The following TRIM44 variants were observed in gnomAD, a reference collection of about 807,000 sequenced individuals.
The protein encoded by TRIM44 is tripartite motif containing 44.
TRIM44 carries 13 observed loss-of-function variants against 37.4 expected under a neutral mutation model. That is an observed-to-expected ratio of 0.35 (90% CI 0.23 to 0.55). The LOEUF is 0.55. Among genes scored for constraint, TRIM44 ranks in the 20% least tolerant of loss-of-function variants. TRIM44 has a pLI of 0.89. For synonymous variants in TRIM44, 175 were observed against 157.2 expected, an observed-to-expected ratio of 1.11 and a Z score of -0.85; for missense variants, 426 against 437.2, an observed-to-expected ratio of 0.97 and a Z score of 0.23.
chr11:35,682,079 C>T (rs1851526801), intron 1 of TRIM44, among the ~76,000 whole-genome samples: 2 of 151,416 alleles, frequency 1.3e-5, no homozygotes, highest in South Asian at 4.2e-4. Context: ...CTGCCTCAGC[C>T]TCCCGAGTAG....
At chr11:35,777,570 T>A (rs1473944008) in intron 4 of TRIM44, among the ~76,000 whole-genome samples, 1 of 152,228 alleles carries the variant, frequency 6.6e-6, no homozygotes, top group Non-Finnish European at 1.5e-5. Context: ...CAATTTGGCA[T>A]GTTTTTGCAG....
chr11:35,728,003 T>C (rs980487885), intron 3 of TRIM44, among the ~76,000 whole-genome samples: 9 of 152,226 alleles, frequency 5.9e-5, no homozygotes, highest in Admixed American at 3.3e-4. Context: ...TTATTCCCTA[T>C]GTTGATTAGG....
At position 35,732,786 on chromosome 11, in the gene TRIM44, T is replaced by C. The variant is rs550148556; in HGVS notation, c.988-2640T>C. ...ATGTGCATTTCAGGTAGCAGGAACATCACATGCATATCTTTTACTAGCAAG... is the reference window on the plus strand; with the variant it reads ...ATGTGCATTTCAGGTAGCAGGAACACCACATGCATATCTTTTACTAGCAAG... On this transcript the variant is annotated intron_variant, in intron 3 of 4. Transcript: ENST00000299413. 5.3e-5 allele frequency among the ~76,000 whole-genome samples: 8 copies of C among 152,280 alleles called. No homozygotes were observed. In the East Asian group the frequency reaches 1.3e-3, roughly 26 times the overall value.
intron 4 of TRIM44, among the ~76,000 whole-genome samples, chr11:35,762,639 G>A (rs1432943044): frequency 6.6e-6 from 1 of 152,134 alleles, no homozygotes; most frequent in African/African-American, 2.4e-5. Flanking sequence ...ACAACAGTAA[G>A]ATAATACATA....
chr11:35,754,803 C>T lies in TRIM44; in HGVS notation c.1007+19358C>T, dbSNP rs11033266. Among the ~76,000 whole-genome samples, 2,103 of 152,170 alleles carry T rather than the reference C, an allele frequency of 0.014. 116 individuals carry two copies. The East Asian group carries it at 0.14, about 10-fold the overall frequency. On this transcript the variant is annotated intron_variant, in intron 4 of 4. Coordinates refer to ENST00000299413, the MANE Select transcript of TRIM44 (RefSeq NM_017583.6). ...GTTTGCTGAGAATGATGGTTTCCAG[C>T]TTCATCCATGTCCCTACAAAGGACA...
chr11:35,737,367 A>G (rs1323731804), intron 4 of TRIM44, among the ~76,000 whole-genome samples: 1 of 152,188 alleles, frequency 6.6e-6, no homozygotes, highest in Non-Finnish European at 1.5e-5. Flanking sequence ...GGAATGGAAA[A>G]TGAATTGGAG....
chr11:35,678,616 C>T lies in TRIM44; in HGVS notation c.670-6643C>T, dbSNP rs571567940. On this transcript the variant is annotated intron_variant, in intron 1 of 4. Coordinates refer to ENST00000299413, the MANE Select transcript of TRIM44 (RefSeq NM_017583.6). The stretch of plus-strand genomic sequence containing the variant: ...CCCTCTCCCCTCTCCCCGCTCCCTC[C>T]CCTCCCCATTCTCTTAGACAGTGTC... Among the ~76,000 whole-genome samples the T allele has an allele frequency of 6.0e-4, 91 of 152,056 alleles. 2 individuals are homozygous for T. Among genetic ancestry groups the T allele is most frequent in the African/African-American group, 2.0e-3 (82 of 41,484 alleles).
Position 35,663,165 on chromosome 11 carries a change from T to G in TRIM44, c.54T>G (p.Cys18Trp), listed in dbSNP as rs1851290647. Residue 18 changes from cysteine to tryptophan, a missense_variant, in exon 1 of 5, where the codon TGT becomes TGG. Cys to Trp is a radical substitution (Grantham distance 215). This residue lies in a region of TRIM44 where 331 missense variants were observed against 303.0 expected (regional missense o/e 1.09). Coordinates refer to ENST00000299413, the MANE Select transcript of TRIM44 (RefSeq NM_017583.6). ...AGGAACTGCCTCACGACGGCACGTGTGACGAGTGCGAGCCCGACGAGGCTC... is the reference window on the plus strand; with the variant it reads ...AGGAACTGCCTCACGACGGCACGTGGGACGAGTGCGAGCCCGACGAGGCTC... ...AFEELPHDGT[C>W]DECEPDEAPG... 6.4e-7 allele frequency: 1 copy of G among 1,564,280 alleles called. No individual in the cohort carries two copies.
intron 4 of TRIM44, among the ~76,000 whole-genome samples, chr11:35,761,887 C>A (rs1852734447): frequency 6.6e-6 from 1 of 152,190 alleles, no homozygotes; most frequent in South Asian, 2.1e-4. Flanking sequence ...CTCTTTGAGC[C>A]TTCTGAGAAG....
intron 4 of TRIM44, among the ~76,000 whole-genome samples, chr11:35,782,782 G>C (rs1317932570): frequency 6.6e-6 from 1 of 152,192 alleles, no homozygotes; most frequent in Non-Finnish European, 1.5e-5. Flanking sequence ...GTGTAGGCTA[G>C]ATACACAAAT....
intron 1 of TRIM44, among the ~76,000 whole-genome samples, chr11:35,672,489 C>G (rs1004909524): frequency 1.3e-5 from 2 of 152,164 alleles, no homozygotes; most frequent in Non-Finnish European, 2.9e-5. Flanking sequence ...AAATATATAG[C>G]ATTTGTGGAG....
chr11:35,714,240 G>C (rs1006080841), intron 2 of TRIM44, among the ~76,000 whole-genome samples: 22 of 152,168 alleles, frequency 1.4e-4, no homozygotes, highest in African/African-American at 5.3e-4. Flanking sequence ...CTAATGAGCA[G>C]AATGGTTCTG....
In TRIM44 at chr11:35,672,919, C is replaced by A. The variant is rs151071530; in HGVS notation, c.669+9139C>A. 1.9e-3 allele frequency among the ~76,000 whole-genome samples: 282 copies of A among 152,236 alleles called. 2 individuals carry two copies. The highest frequency in any genetic ancestry group is 6.5e-3 in the African/African-American group (271 of 41,546). On this transcript the variant is annotated intron_variant, in intron 1 of 4. Coordinates refer to ENST00000299413, the MANE Select transcript of TRIM44 (RefSeq NM_017583.6). ...ATTTATTTGTACAGAATAAGACAAA[C>A]GCTAAGACCAAGGTAAAGGGGATGG...
chr11:35,781,756 C>T (rs1853068142), intron 4 of TRIM44, among the ~76,000 whole-genome samples: 1 of 152,058 alleles, frequency 6.6e-6, no homozygotes, highest in Non-Finnish European at 1.5e-5. Flanking sequence ...ATTGAGAGAG[C>T]CAGGAGTAGG....
chr11:35,724,621 T>G (rs1852148091), intron 2 of TRIM44, among the ~76,000 whole-genome samples: 1 of 152,248 alleles, frequency 6.6e-6, no homozygotes, highest in South Asian at 2.1e-4. Context: ...ATTTGGAGTT[T>G]AGAAGTTCTC....
rs1472773704 is a variant in TRIM44 at position 35,663,654 on chromosome 11, C to A, written c.543C>A (p.Asp181Glu). 3.7e-6 allele frequency: 6 copies of A among 1,614,068 alleles called. No homozygotes were observed. Among genetic ancestry groups the A allele is most frequent in the Non-Finnish European group, 5.1e-6 (6 of 1,180,010 alleles). The part of the protein sequence containing the change: ...AERVAKRKCP[D>E]HGLDLSTYCQ... ...GAGTGGCCAAGAGGAAGTGTCCGGA[C>A]CATGGGCTTGATTTGAGTACCTATT... The change falls in exon 1 of 5, where the codon GAC (aspartate) becomes GAA (glutamate). Residue 181 changes from aspartate to glutamate, a missense_variant. Physicochemically the swap from Asp to Glu is conservative, Grantham distance 45. Transcript: ENST00000299413.
intron 4 of TRIM44, among the ~76,000 whole-genome samples, chr11:35,763,335 A>AAGCACAGT (rs1319211560): frequency 6.6e-6 from 1 of 152,110 alleles, no homozygotes; most frequent in Non-Finnish European, 1.5e-5. Flanking sequence ...GGACTTGGAT[A>AAGCACAGT]AGCACAGTAG....
chr11:35,800,955 C>T (rs1411556221), intron 4 of TRIM44, among the ~76,000 whole-genome samples: 6 of 152,168 alleles, frequency 3.9e-5, no homozygotes, highest in Admixed American at 6.5e-5. Flanking sequence ...ATGTTTTTCT[C>T]AGTTAGCCCA....
At chr11:35,702,751 A>G (rs1442402435) in intron 2 of TRIM44, among the ~76,000 whole-genome samples, 1 of 152,246 alleles carries the variant, frequency 6.6e-6, no homozygotes, top group African/African-American at 2.4e-5. Context: ...AATAGACGAT[A>G]CAATAGTTCT....
Sources: allele counts gnomAD v4.1 joint callset (sites outside exome capture counted in the v4.1 genomes callset), GRCh38; gene constraint gnomAD v4.1.1; regional missense constraint gnomAD v4.1.1; transcripts MANE v1.5; gene names NCBI Gene and HGNC (gene_info 2026-07-23, HGNC 2026-07-21).